Variants in EPHA5 observed in about 807,000 individuals in gnomAD.
The protein encoded by EPHA5 is ephrin type-A receptor 5.
In EPHA5, 60 loss-of-function variants were observed where a neutral mutation model predicts 105.0. The ratio of observed to expected loss-of-function variants is 0.57; its 90% CI spans 0.46 to 0.71. EPHA5 has a LOEUF of 0.71. Among genes scored for constraint, EPHA5 ranks in the 30% least tolerant of loss-of-function variants. The pLI is 0.00. For missense variants in EPHA5, 1,218 were observed against 1,274.7 expected (o/e 0.96, Z 0.68); for synonymous variants, 513 against 449.1 (o/e 1.14, Z -1.80).
Position 65,669,623 on chromosome 4 carries a change from G to C in EPHA5, c.120C>G (p.Leu40=), listed in dbSNP as rs976360113. The C allele has an allele frequency of 2.1e-6, 3 of 1,421,452 alleles. No homozygotes were observed. The highest frequency in any genetic ancestry group is 1.5e-5 in the African/African-American group (1 of 67,760). 88.1% of individuals were successfully genotyped at this position (1,421,452 alleles called of 1,614,324 possible). Residue 40 remains leucine, a synonymous_variant, in exon 1 of 17, where the codon CTC becomes CTG. Coordinates refer to ENST00000613740, the MANE Select transcript of EPHA5 (RefSeq NM_001281766.3). ...GCYSAPRRAP[L]WTCLLLCAAL... is the part of the protein sequence containing the mutation. ...CGGCGCACAGGAGAAGGCACGTCCA[G>C]AGGGGAGCCCGTCGAGGTGCAGAGT...
chr4:65,559,836 T>A (rs534293600), intron 3 of EPHA5, among the ~76,000 whole-genome samples: 2 of 152,288 alleles, frequency 1.3e-5, no homozygotes, highest in African/African-American at 2.4e-5. Flanking sequence ...ACATTTTTCT[T>A]TTACATGGTT....
At chr4:65,364,643 T>C (rs1233005791) in intron 11 of EPHA5, among the ~76,000 whole-genome samples, 1 of 151,560 alleles carries the variant, frequency 6.6e-6, no homozygotes, top group African/African-American at 2.4e-5. Context: ...GCTATGGTTA[T>C]AGTAATCCTA....
chr4:65,537,261 C>A (rs1053236788), intron 3 of EPHA5, among the ~76,000 whole-genome samples: 2 of 151,808 alleles, frequency 1.3e-5, no homozygotes, highest in Non-Finnish European at 3.0e-5. Flanking sequence ...TATTGTCTTA[C>A]AGTCAAGGAA....
chr4:65,465,928 C>T (rs887779820), intron 5 of EPHA5, among the ~76,000 whole-genome samples: 1 of 152,160 alleles, frequency 6.6e-6, no homozygotes, highest in African/African-American at 2.4e-5. Flanking sequence ...TGGCATTTGA[C>T]GATACTTCAG....
At chr4:65,357,512 C>A (rs1374420708) in intron 11 of EPHA5, among the ~76,000 whole-genome samples, 1 of 151,196 alleles carries the variant, frequency 6.6e-6, no homozygotes, top group Non-Finnish European at 1.5e-5. Context: ...AGGAATTTAC[C>A]TTTTCTCAAT....
rs1030234143 is a variant in EPHA5 at position 65,669,595 on chromosome 4, G to C, written c.148C>G (p.Leu50Val). 1.4e-6 allele frequency: 2 copies of C among 1,435,106 alleles called. No homozygotes were observed. The highest frequency in any genetic ancestry group is 1.8e-6 in the Non-Finnish European group (2 of 1,089,464). The allele number at this position is 1,435,106 out of a possible 1,614,324, so 88.9% of individuals were successfully genotyped here. A position where few individuals can be genotyped will look rare whatever the true frequency, so the allele number is the denominator to read the frequency against. The change falls in exon 1 of 17, where the codon CTC becomes GTC. Residue 50 changes from leucine (L) to valine (V), a missense_variant. By Grantham distance (32) the Leu-to-Val change is conservative. Around this residue, in one of 3 missense-constraint regions of EPHA5, gnomAD observed 233 missense variants for 227.5 expected, o/e 1.02. Coordinates refer to ENST00000613740, the MANE Select transcript of EPHA5 (RefSeq NM_001281766.3). ...LWTCLLLCAA[L>V]RTLLASPSNE... The stretch of plus-strand genomic sequence containing the variant: ...CTGGGGCTGGCCAGGAGGGTCCGGA[G>C]TGCGGCGCACAGGAGAAGGCACGTC...
intron 14 of EPHA5, among the ~76,000 whole-genome samples, chr4:65,340,613 G>T (rs985736371): frequency 7.9e-5 from 12 of 152,122 alleles, no homozygotes; most frequent in Non-Finnish European, 8.8e-5. Flanking sequence ...TAAGGACCAG[G>T]TGACATCCTA....
intron 3 of EPHA5, among the ~76,000 whole-genome samples, chr4:65,530,619 T>C (rs747430220): frequency 2.0e-5 from 3 of 152,220 alleles, no homozygotes; most frequent in South Asian, 2.1e-4. Flanking sequence ...TCATAGCTTA[T>C]GTGGATAGCG....
At position 65,521,893 on chromosome 4, in the gene EPHA5, G is replaced by A. The variant is rs114070484; in HGVS notation, c.911-26350C>T. ...GCAGCAAGTTCAGCAGCAGCTGTTC[G>A]GCCCACTGTCTGTGCTTCTCAGATT... is the stretch of plus-strand genomic sequence containing the variant. On this transcript the variant is annotated intron_variant, in intron 3 of 16. Transcript: ENST00000613740. Among the ~76,000 whole-genome samples, 330 of 152,026 alleles carry A rather than the reference G, an allele frequency of 2.2e-3. 1 individual carries two copies. Among genetic ancestry groups the A allele is most frequent in the African/African-American group, 7.3e-3 (303 of 41,476 alleles).
intron 5 of EPHA5, among the ~76,000 whole-genome samples, chr4:65,462,961 G>T (rs28694785): frequency 0.25 from 38,568 of 151,922 alleles, 5,308 homozygotes; most frequent in Middle Eastern, 0.35. Flanking sequence ...CTTTACTTAG[G>T]TCTCTAAAGA....
At chr4:65,382,926 T>C (rs1004706592) in intron 8 of EPHA5, among the ~76,000 whole-genome samples, 7 of 151,470 alleles carry the variant, frequency 4.6e-5, no homozygotes, top group Non-Finnish European at 1.5e-5. Flanking sequence ...AGCATATTAA[T>C]GGCCTGCATG....
intron 5 of EPHA5, among the ~76,000 whole-genome samples, chr4:65,468,301 A>G (rs1728913902): frequency 6.6e-6 from 1 of 151,868 alleles, no homozygotes; most frequent in Admixed American, 6.6e-5. Flanking sequence ...ATGGTTTGTT[A>G]CATATCACAT....
chr4:65,349,417 T>C (rs1352350622), intron 13 of EPHA5, among the ~76,000 whole-genome samples: 5 of 152,122 alleles, frequency 3.3e-5, no homozygotes, highest in African/African-American at 9.7e-5. Context: ...TATTATTCTC[T>C]TAGCTTCAAT....
chr4:65,520,554 G>A (rs922963017), intron 3 of EPHA5, among the ~76,000 whole-genome samples: 2 of 152,120 alleles, frequency 1.3e-5, no homozygotes, highest in African/African-American at 2.4e-5. Flanking sequence ...AAGAGCTTCT[G>A]CACAGCAAAA....
intron 3 of EPHA5, among the ~76,000 whole-genome samples, chr4:65,556,475 T>C (rs369932482): frequency 3.9e-5 from 6 of 152,136 alleles, no homozygotes; most frequent in African/African-American, 1.4e-4. Flanking sequence ...ATATATGGAA[T>C]TAAAAGCATT....
At chr4:65,553,844 A>G (rs1045063797) in intron 3 of EPHA5, among the ~76,000 whole-genome samples, 6 of 152,066 alleles carry the variant, frequency 3.9e-5, no homozygotes, top group African/African-American at 1.4e-4. Flanking sequence ...TTTTTCCACA[A>G]AATGAAAGAA....
intron 2 of EPHA5, among the ~76,000 whole-genome samples, chr4:65,611,350 A>G (rs977707039): frequency 2.0e-5 from 3 of 152,158 alleles, no homozygotes; most frequent in African/African-American, 7.2e-5. Context: ...TGTTATAGAT[A>G]GCTGTAAATT....
chr4:65,360,129 T>C (rs1465308192), intron 11 of EPHA5, among the ~76,000 whole-genome samples: 3 of 151,576 alleles, frequency 2.0e-5, no homozygotes, highest in African/African-American at 7.3e-5. Flanking sequence ...CTAAGTAAAA[T>C]AGAAAACACC....
chr4:65,413,855 A>C (rs1302144384), intron 7 of EPHA5, among the ~76,000 whole-genome samples: 3 of 152,182 alleles, frequency 2.0e-5, no homozygotes, highest in Non-Finnish European at 4.4e-5. Flanking sequence ...ATGAGATCAG[A>C]TTAGTTCCTG....
Sources: gnomAD v4.1 joint callset for allele counts (sites outside exome capture counted in the v4.1 genomes callset) on GRCh38, gnomAD v4.1.1 for gene constraint, gnomAD v4.1.1 regional missense constraint, MANE v1.5 for transcripts, NCBI Gene and HGNC (gene_info 2026-07-23, HGNC 2026-07-21) for gene names.